The following MEMO1 variants were observed in gnomAD, a reference collection of about 807,000 sequenced individuals.
The protein encoded by MEMO1 is protein MEMO1.
A neutral mutation model predicts 45.2 loss-of-function variants in MEMO1; 6 were observed. That is an observed-to-expected ratio of 0.13 (90% CI 0.07 to 0.26). The LOEUF is 0.26. Ranked by LOEUF, MEMO1 falls within the 10% of genes least tolerant of loss-of-function variation. The pLI, the probability that MEMO1 is intolerant of heterozygous loss-of-function variation, is 1.00. For synonymous variants in MEMO1, 78 were observed against 124.3 expected (o/e 0.63, Z 2.48); for missense variants, 184 against 370.5 (o/e 0.50, Z 4.13).
At chr2:31,918,624 T>C (rs999833162) in intron 5 of MEMO1, among the ~76,000 whole-genome samples, 3 of 152,130 alleles carry the variant, frequency 2.0e-5, no homozygotes, top group Admixed American at 6.6e-5. Flanking sequence ...GTAGGATGGA[T>C]CAAAATATAA....
intron 2 of MEMO1, among the ~76,000 whole-genome samples, chr2:31,970,319 CCT>C (rs879185151): frequency 3.9e-5 from 6 of 152,080 alleles, no homozygotes; most frequent in African/African-American, 1.4e-4. Flanking sequence ...CAATTCTGCC[CCT>C]GTGATCTCAC....
chr2:31,889,755 G>A (rs541597837), intron 7 of MEMO1, among the ~76,000 whole-genome samples: 4 of 152,124 alleles, frequency 2.6e-5, no homozygotes, highest in African/African-American at 9.6e-5. Context: ...GTAGCACGGT[G>A]CTTTCCATAA....
chr2:31,990,084 T>C (rs1321262666), intron 2 of MEMO1, among the ~76,000 whole-genome samples: 2 of 152,152 alleles, frequency 1.3e-5, no homozygotes, highest in East Asian at 1.9e-4. Flanking sequence ...GCCACTGCAC[T>C]CCAGCATGGA....
intron 2 of MEMO1, among the ~76,000 whole-genome samples, chr2:31,955,927 C>A (rs762968004): frequency 6.6e-5 from 10 of 152,088 alleles, no homozygotes; most frequent in Non-Finnish European, 1.0e-4. Flanking sequence ...TATTTCAAAA[C>A]GCCCCAATAT....
chr2:31,959,085 G>A (rs1667708288), intron 2 of MEMO1, among the ~76,000 whole-genome samples: 1 of 152,330 alleles, frequency 6.6e-6, no homozygotes, highest in African/African-American at 2.4e-5. Context: ...ATCAAGGAAA[G>A]CCATGAAGTT....
chr2:31,948,036 G>A lies in MEMO1; in HGVS notation c.62-4653C>T, dbSNP rs139185853. Among the ~76,000 whole-genome samples, 785 of 152,296 alleles carry A rather than the reference G, an allele frequency of 5.2e-3. 4 individuals carry two copies. Among genetic ancestry groups the A allele is most frequent in the African/African-American group, 0.017 (709 of 41,562 alleles). On this transcript the variant is annotated intron_variant, in intron 2 of 9. Transcript: ENST00000404530. ...TTGAAATGCTGATTCTGATCCTACA[G>A]TTATACAGTAGGACTGAGATTCTGC... is the stretch of plus-strand genomic sequence containing the variant.
At chr2:31,923,841 A>G in intron 4 of MEMO1, 1 of 1,259,206 alleles carries the variant, frequency 7.9e-7, no homozygotes, top group Non-Finnish European at 1.1e-6. Context: ...CAATAGCCAA[A>G]AGATACACTG....
intron 7 of MEMO1, among the ~76,000 whole-genome samples, chr2:31,886,979 A>G (rs189949305): frequency 1.3e-5 from 2 of 152,320 alleles, no homozygotes; most frequent in East Asian, 1.9e-4. Flanking sequence ...TTTCAAATTC[A>G]AAAGATGAGA....
chr2:31,979,691 G>C (rs1406914649), intron 2 of MEMO1, among the ~76,000 whole-genome samples: 1 of 152,068 alleles, frequency 6.6e-6, no homozygotes, highest in East Asian at 1.9e-4. Flanking sequence ...AAAAAACTGT[G>C]AGTCTGAATT....
chr2:31,943,031 G>A (rs1405031496), intron 3 of MEMO1, among the ~76,000 whole-genome samples: 3 of 152,164 alleles, frequency 2.0e-5, no homozygotes, highest in South Asian at 4.1e-4. Flanking sequence ...GAGCGAGACC[G>A]AGGCAGGTGG....
intron 2 of MEMO1, among the ~76,000 whole-genome samples, chr2:31,964,070 T>C (rs1558537145): frequency 2.0e-5 from 3 of 152,210 alleles, no homozygotes; most frequent in Non-Finnish European, 4.4e-5. Context: ...ATTCAAATTA[T>C]ATATGGCTTA....
intron 2 of MEMO1, among the ~76,000 whole-genome samples, chr2:31,980,856 A>T (rs1475229872): frequency 6.6e-6 from 1 of 152,214 alleles, no homozygotes; most frequent in East Asian, 1.9e-4. Context: ...GCATGGTAAT[A>T]TAAGGCATAA....
chr2:31,963,310 A>G, intron 2 of MEMO1: 1 of 1,452,434 alleles, frequency 6.9e-7, no homozygotes, highest in East Asian at 2.5e-5. Flanking sequence ...ATACAGATAG[A>G]TATAGATACA....
chr2:31,886,842 G>T (rs1344647303), intron 7 of MEMO1, among the ~76,000 whole-genome samples: 3 of 152,124 alleles, frequency 2.0e-5, no homozygotes, highest in Non-Finnish European at 4.4e-5. Flanking sequence ...TTGAGCCCCT[G>T]TTTCAACTCC....
intron 6 of MEMO1, among the ~76,000 whole-genome samples, chr2:31,897,956 GT>G (rs1678130242): frequency 6.6e-6 from 1 of 152,032 alleles, no homozygotes; most frequent in Middle Eastern, 3.4e-3. Flanking sequence ...GGGTGTATGT[GT>G]CCAGGAATTT....
chr2:31,888,448 A>G (rs886074268), intron 7 of MEMO1, among the ~76,000 whole-genome samples: 2 of 152,164 alleles, frequency 1.3e-5, no homozygotes, highest in African/African-American at 4.8e-5. Flanking sequence ...ACAAATATCA[A>G]TCACATATAT....
At chr2:31,982,345 A>G (rs896361540) in intron 2 of MEMO1, among the ~76,000 whole-genome samples, 2 of 151,332 alleles carry the variant, frequency 1.3e-5, no homozygotes, top group African/African-American at 2.4e-5. Flanking sequence ...TAATCCCAGC[A>G]CTTTGGGAGG....
At chr2:31,957,201 A>G (rs1181896910) in intron 2 of MEMO1, among the ~76,000 whole-genome samples, 1 of 152,032 alleles carries the variant, frequency 6.6e-6, no homozygotes, top group Non-Finnish European at 1.5e-5. Flanking sequence ...GGGAACAAAG[A>G]GAGACACTTT....
intron 2 of MEMO1, among the ~76,000 whole-genome samples, chr2:31,965,755 G>A (rs751258331): frequency 6.6e-6 from 1 of 152,136 alleles, no homozygotes; most frequent in African/African-American, 2.4e-5. Context: ...TCACTTATAA[G>A]TAGGAGCTGA....
Sources: allele counts gnomAD v4.1 joint callset (sites outside exome capture counted in the v4.1 genomes callset), GRCh38; gene constraint gnomAD v4.1.1; transcripts MANE v1.5; gene names NCBI Gene and HGNC (gene_info 2026-07-23, HGNC 2026-07-21).